Variants in NCK2 observed in about 807,000 individuals in gnomAD.
NCK2 encodes the protein cytoplasmic protein NCK2.
In NCK2, 16 loss-of-function variants were observed where a neutral mutation model predicts 33.9. The ratio of observed to expected loss-of-function variants is 0.47; its 90% confidence interval spans 0.32 to 0.72. NCK2 has a LOEUF of 0.72. Ranked by LOEUF, NCK2 falls within the 30% of genes least tolerant of loss-of-function variation. The pLI is 0.03. For synonymous variants in NCK2, 273 were observed against 239.9 expected, an observed-to-expected ratio of 1.14 and a Z score of -1.27; for missense variants, 418 against 537.3, an observed-to-expected ratio of 0.78 and a Z score of 2.19.
At chr2:105,866,755 G>C (rs1342095125) in intron 3 of NCK2, among the ~76,000 whole-genome samples, 1 of 152,160 alleles carries the variant, frequency 6.6e-6, no homozygotes, top group African/African-American at 2.4e-5. Flanking sequence ...GGGGGGTTGG[G>C]GACCCCTGGT....
intron 2 of NCK2, among the ~76,000 whole-genome samples, chr2:105,835,260 A>G (rs759167397): frequency 1.1e-4 from 17 of 150,590 alleles, no homozygotes; most frequent in Non-Finnish European, 2.2e-4. Context: ...GGGCCAGTCT[A>G]CTGGTGATGA....
chr2:105,872,765 T>A (rs994495493), intron 3 of NCK2, among the ~76,000 whole-genome samples: 3 of 152,204 alleles, frequency 2.0e-5, no homozygotes, highest in African/African-American at 7.2e-5. Flanking sequence ...GAGAGCATCG[T>A]GATCTGTTAG....
chr2:105,832,531 G>T (rs893328283), intron 2 of NCK2, among the ~76,000 whole-genome samples: 6 of 152,110 alleles, frequency 3.9e-5, no homozygotes, highest in Non-Finnish European at 7.4e-5. Flanking sequence ...TATCAAAATG[G>T]TTTTCTACAT....
chr2:105,821,969 G>C (rs569486506), intron 2 of NCK2, among the ~76,000 whole-genome samples: 1 of 151,510 alleles, frequency 6.6e-6, no homozygotes, highest in Non-Finnish European at 1.5e-5. Context: ...ACATGGTAAC[G>C]ACCCATTCTC....
At chr2:105,879,935 T>C (rs1487473867) in intron 3 of NCK2, among the ~76,000 whole-genome samples, 1 of 152,148 alleles carries the variant, frequency 6.6e-6, no homozygotes, top group Non-Finnish European at 1.5e-5. Flanking sequence ...CTGATTAAGG[T>C]AGAGGTCGAA....
chr2:105,818,588 T>G (rs556260746), intron 2 of NCK2, among the ~76,000 whole-genome samples: 2 of 152,296 alleles, frequency 1.3e-5, no homozygotes, highest in East Asian at 3.9e-4. Context: ...AAACCAAATT[T>G]TAATCAAAGC....
chr2:105,887,789 T>C (rs1335444767), intron 4 of NCK2, among the ~76,000 whole-genome samples: 1 of 152,196 alleles, frequency 6.6e-6, no homozygotes, highest in Non-Finnish European at 1.5e-5. Flanking sequence ...ATCTGTTTTA[T>C]AAAACTGCAA....
intron 1 of NCK2, among the ~76,000 whole-genome samples, chr2:105,782,646 T>G (rs1341500492): frequency 6.6e-6 from 1 of 151,776 alleles, no homozygotes; most frequent in Non-Finnish European, 1.5e-5. Flanking sequence ...GCTCTCCTCA[T>G]GCAACGTCAA....
chr2:105,785,172 AT>A lies in NCK2; in HGVS notation c.-200-31255del, dbSNP rs543624044. ...TTTTTGTATTTTTAGTAGAGACAGGATTTCACTGTGTTAGCCAGGATGGTCT... is the reference window on the plus strand; with the variant it reads ...TTTTTGTATTTTTAGTAGAGACAGGATTCACTGTGTTAGCCAGGATGGTCT... On this transcript the variant is annotated intron_variant, in intron 1 of 4. Transcript: ENST00000233154. Among the ~76,000 whole-genome samples the A allele has an allele frequency of 5.2e-4, 79 of 152,076 alleles. 3 individuals carry two copies. In the South Asian group the frequency reaches 0.016, roughly 31 times the overall value.
intron 3 of NCK2, among the ~76,000 whole-genome samples, chr2:105,858,666 C>T (rs575942510): frequency 6.6e-6 from 1 of 152,330 alleles, no homozygotes; most frequent in East Asian, 1.9e-4. Context: ...CTGTGTAGTT[C>T]TCTCCTGCTT....
intron 3 of NCK2, among the ~76,000 whole-genome samples, chr2:105,868,209 C>T (rs920048757): frequency 1.3e-5 from 2 of 152,218 alleles, no homozygotes; most frequent in East Asian, 3.9e-4. Flanking sequence ...TGCATTGACT[C>T]ATGTCAGTTT....
intron 1 of NCK2, among the ~76,000 whole-genome samples, chr2:105,799,759 GC>G (rs1674747738): frequency 6.6e-6 from 1 of 152,184 alleles, no homozygotes; most frequent in South Asian, 2.1e-4. Flanking sequence ...TCTACCTCAA[GC>G]CTAAAAGTGG....
intron 1 of NCK2, among the ~76,000 whole-genome samples, chr2:105,807,009 C>G (rs1675072040): frequency 6.6e-6 from 1 of 152,170 alleles, no homozygotes; most frequent in Non-Finnish European, 1.5e-5. Flanking sequence ...ATCCCACACC[C>G]TCATGCTGAA....
intron 1 of NCK2, among the ~76,000 whole-genome samples, chr2:105,776,732 C>T (rs186619893): frequency 2.6e-5 from 4 of 152,240 alleles, no homozygotes; most frequent in East Asian, 3.9e-4. Context: ...GTCCAGGCTC[C>T]GGGCTCCCAG....
chr2:105,885,055 C>T (rs1049019026), intron 4 of NCK2, among the ~76,000 whole-genome samples: 5 of 152,176 alleles, frequency 3.3e-5, no homozygotes, highest in Admixed American at 2.6e-4. Context: ...AACAGTAACC[C>T]TTTACTGGGT....
At chr2:105,746,874 C>T (rs745616415) in intron 1 of NCK2, among the ~76,000 whole-genome samples, 3 of 152,180 alleles carry the variant, frequency 2.0e-5, no homozygotes, top group Non-Finnish European at 2.9e-5. Context: ...GAACTTTAGG[C>T]ATAGGAAGCT....
chr2:105,756,440 A>C (rs953767730), intron 1 of NCK2, among the ~76,000 whole-genome samples: 1 of 152,212 alleles, frequency 6.6e-6, no homozygotes, highest in African/African-American at 2.4e-5. Context: ...CTGAAGTTGC[A>C]ACTTTGGAAC....
intron 1 of NCK2, among the ~76,000 whole-genome samples, chr2:105,792,083 G>A (rs1053715259): frequency 1.4e-4 from 21 of 152,238 alleles, no homozygotes; most frequent in East Asian, 1.2e-3. Flanking sequence ...CTTGGTGACC[G>A]GAGAGATGGA....
intron 2 of NCK2, among the ~76,000 whole-genome samples, chr2:105,847,493 C>G (rs768670776): frequency 5.3e-5 from 8 of 151,756 alleles, no homozygotes; most frequent in Non-Finnish European, 1.0e-4. Context: ...GGCCTGTGTC[C>G]CGGTGGGCAG....
Sources: gnomAD v4.1 joint callset for allele counts (sites outside exome capture counted in the v4.1 genomes callset) on GRCh38, gnomAD v4.1.1 for gene constraint, MANE v1.5 for transcripts, NCBI Gene and HGNC (gene_info 2026-07-23, HGNC 2026-07-21) for gene names.